The following CCDC91 variants were observed in gnomAD, a reference collection of about 807,000 sequenced individuals.
CCDC91 encodes the protein coiled-coil domain containing 91, also known as coiled-coil domain-containing protein 91.
In CCDC91, 48 loss-of-function variants were observed where a neutral mutation model predicts 63.2. The observed-to-expected ratio is 0.76, with a 90% CI of 0.60 to 0.97. The LOEUF (loss-of-function observed/expected upper bound fraction) is 0.97. Ranked by LOEUF, CCDC91 falls within the 50% of genes least tolerant of loss-of-function variation. The probability of loss-of-function intolerance (pLI) is 0.00; values close to 1 mark genes in which losing one functional copy is unlikely to be tolerated. For missense variants in CCDC91, 500 were observed against 494.6 expected (o/e 1.01, Z -0.10); for synonymous variants, 167 against 165.8 (o/e 1.01, Z -0.06).
At chr12:28,365,762 T>A (rs1298773259) in intron 7 of CCDC91, among the ~76,000 whole-genome samples, 2 of 152,216 alleles carry the variant, frequency 1.3e-5, no homozygotes, top group Non-Finnish European at 2.9e-5. Flanking sequence ...GAACTTAAAG[T>A]CATAGCATTC....
At chr12:28,225,048 G>A (rs1268693528) in intron 1 of CCDC91, among the ~76,000 whole-genome samples, 1 of 152,178 alleles carries the variant, frequency 6.6e-6, no homozygotes, top group East Asian at 1.9e-4. Flanking sequence ...ATTAGGACTA[G>A]AGCCCCATGC....
intron 12 of CCDC91, among the ~76,000 whole-genome samples, chr12:28,511,575 G>A (rs1235250507): frequency 6.6e-6 from 1 of 151,852 alleles, no homozygotes; most frequent in Non-Finnish European, 1.5e-5. Context: ...TATAAGCAAA[G>A]GTGCTGGATA....
At chr12:28,403,776 G>A (rs1453986645) in intron 8 of CCDC91, among the ~76,000 whole-genome samples, 3 of 152,054 alleles carry the variant, frequency 2.0e-5, no homozygotes, top group African/African-American at 4.8e-5. Context: ...TAAAGACTTG[G>A]TCCATTTAAT....
At chr12:28,274,304 G>C (rs1948026485) in intron 3 of CCDC91, among the ~76,000 whole-genome samples, 1 of 152,236 alleles carries the variant, frequency 6.6e-6, no homozygotes, top group East Asian at 1.9e-4. Context: ...TTTAGGCTTA[G>C]GATTGACTTG....
In CCDC91 at chr12:28,311,963, T is replaced by C. The variant is rs137902312; in HGVS notation, c.576+4214T>C. On this transcript the variant is annotated intron_variant, in intron 6 of 12. Transcript: ENST00000536442. ...TTCCTTGGATTCCCAGGTCCCTAGT[T>C]AGTCTGCCTTCCCTCTGCATTCCAG... is the stretch of plus-strand genomic sequence containing the variant. Among the ~76,000 whole-genome samples, 160 of 152,144 alleles carry C rather than the reference T, an allele frequency of 1.1e-3. 3 individuals carry two copies. The East Asian group carries it at 0.023, about 22-fold the overall frequency.
chr12:28,354,516 A>G (rs1372703449), intron 6 of CCDC91, among the ~76,000 whole-genome samples: 1 of 152,206 alleles, frequency 6.6e-6, no homozygotes, highest in East Asian at 1.9e-4. Flanking sequence ...TAGGGAGGTC[A>G]TAATTCAACC....
chr12:28,221,569 T>A (rs1310901905), intron 1 of CCDC91, among the ~76,000 whole-genome samples: 1 of 152,208 alleles, frequency 6.6e-6, no homozygotes, highest in Non-Finnish European at 1.5e-5. Context: ...ATTTTGAGGC[T>A]TACTTTTAAG....
At chr12:28,228,668 C>A (rs1271908268) in intron 1 of CCDC91, among the ~76,000 whole-genome samples, 1 of 151,984 alleles carries the variant, frequency 6.6e-6, no homozygotes, top group African/African-American at 2.4e-5. Flanking sequence ...TTCTCTGGAC[C>A]CATAAAGAGT....
intron 6 of CCDC91, among the ~76,000 whole-genome samples, chr12:28,353,978 A>G (rs537321563): frequency 2.6e-5 from 4 of 152,288 alleles, no homozygotes; most frequent in Non-Finnish European, 4.4e-5. Context: ...GAAATCATCT[A>G]TACAGTAAAC....
intron 11 of CCDC91, among the ~76,000 whole-genome samples, chr12:28,480,165 C>T (rs954691459): frequency 6.0e-4 from 91 of 152,134 alleles, no homozygotes; most frequent in African/African-American, 2.0e-3. Flanking sequence ...GTCATATAAA[C>T]TATTATTCCT....
chr12:28,296,458 G>A (rs1949570721), intron 3 of CCDC91, among the ~76,000 whole-genome samples: 1 of 151,680 alleles, frequency 6.6e-6, no homozygotes, highest in South Asian at 2.1e-4. Flanking sequence ...AACTAAAATG[G>A]TAGACATTTT....
intron 6 of CCDC91, among the ~76,000 whole-genome samples, chr12:28,360,379 A>T (rs1180842199): frequency 6.6e-6 from 1 of 152,098 alleles, no homozygotes; most frequent in Non-Finnish European, 1.5e-5. Context: ...TTTCTCTCAG[A>T]GCTCCTTCAA....
In CCDC91 at chr12:28,394,339, A is replaced by G. The variant is rs572302532; in HGVS notation, c.762+2928A>G. Among the ~76,000 whole-genome samples the G allele has an allele frequency of 1.4e-3, 212 of 152,054 alleles. 1 individual carries two copies. Among genetic ancestry groups the G allele is most frequent in the African/African-American group, 3.3e-3 (136 of 41,488 alleles). On this transcript the variant is annotated intron_variant, in intron 8 of 12. Transcript: ENST00000536442. Reference sequence around the variant, plus strand: ...AAATTAGCCGGGTGTGGTGGCGGGCACCTGTAGTCTCAGCTACTCCGGAGG... The same window carrying G: ...AAATTAGCCGGGTGTGGTGGCGGGCGCCTGTAGTCTCAGCTACTCCGGAGG...
chr12:28,248,942 G>A (rs1190534778), intron 1 of CCDC91, among the ~76,000 whole-genome samples: 1 of 152,194 alleles, frequency 6.6e-6, no homozygotes, highest in African/African-American at 2.4e-5. Flanking sequence ...TCTTAAGTAG[G>A]CAGAAGGGTT....
At chr12:28,374,055 C>G (rs1040584626) in intron 7 of CCDC91, among the ~76,000 whole-genome samples, 3 of 152,124 alleles carry the variant, frequency 2.0e-5, no homozygotes, top group East Asian at 1.9e-4. Context: ...GTATTTCCTT[C>G]TAGCAATGTG....
intron 1 of CCDC91, among the ~76,000 whole-genome samples, chr12:28,241,641 T>C (rs1945342644): frequency 6.6e-6 from 1 of 152,188 alleles, no homozygotes; most frequent in Non-Finnish European, 1.5e-5. Context: ...TGCAAGACTT[T>C]TGGTATCCGT....
intron 8 of CCDC91, among the ~76,000 whole-genome samples, chr12:28,402,755 C>T (rs1946717081): frequency 6.6e-6 from 1 of 151,958 alleles, no homozygotes; most frequent in Non-Finnish European, 1.5e-5. Flanking sequence ...AGTTTTTCAC[C>T]ATTAAATATG....
At position 28,305,781 on chromosome 12, in the gene CCDC91, T is replaced by C. The variant is rs377020867; in HGVS notation, c.242T>C (p.Val81Ala). 2 of 1,612,668 alleles carry C rather than the reference T, an allele frequency of 1.2e-6. No homozygotes were observed. The highest frequency in any genetic ancestry group is 2.7e-5 in the African/African-American group (2 of 74,852). The change falls in exon 4 of 13, where the codon GTG becomes GCG. Residue 81 changes from valine (V) to alanine (A), a missense_variant. Transcript: ENST00000536442. ...AATACACATGCAGCAAATAGCATTG[T>C]GAGTCAAACTATTCCAAAAGCACAG... is the stretch of plus-strand genomic sequence containing the variant. ...PENTHAANSI[V>A]SQTIPKAQIQ...
intron 6 of CCDC91, among the ~76,000 whole-genome samples, chr12:28,338,740 C>T (rs1942193640): frequency 6.6e-6 from 1 of 152,008 alleles, no homozygotes; most frequent in African/African-American, 2.4e-5. Context: ...GATGCCATTG[C>T]CATGTTCTGG....
Sources: gnomAD v4.1 joint callset for allele counts (sites outside exome capture counted in the v4.1 genomes callset) on GRCh38, gnomAD v4.1.1 for gene constraint, MANE v1.5 for transcripts, NCBI Gene and HGNC (gene_info 2026-07-23, HGNC 2026-07-21) for gene names.